The following FAM20C variants were observed in gnomAD, a reference collection of about 807,000 sequenced individuals.
The protein encoded by FAM20C is extracellular serine/threonine protein kinase FAM20C.
A neutral mutation model predicts 51.5 loss-of-function variants in FAM20C; 40 were observed. The ratio of observed to expected loss-of-function variants is 0.78; its 90% CI spans 0.60 to 1.01. The LOEUF is 1.01. Ranked by LOEUF, FAM20C falls within the 50% of genes least tolerant of loss-of-function variation. FAM20C has a pLI of 0.00. For missense variants in FAM20C, 861 were observed against 844.7 expected (o/e 1.02, Z -0.24); for synonymous variants, 406 against 380.6 (o/e 1.07, Z -0.78).
intron 5 of FAM20C, among the ~76,000 whole-genome samples, chr7:255,406 C>T (rs936150669): frequency 2.0e-5 from 3 of 152,162 alleles, no homozygotes; most frequent in Admixed American, 1.3e-4. Context: ...AGCCCTCTGC[C>T]CATTTATTAG....
intron 8 of FAM20C, among the ~76,000 whole-genome samples, chr7:258,424 CACTGCCT>C (rs1788728350): frequency 5.9e-5 from 5 of 84,416 alleles, no homozygotes; most frequent in Admixed American, 1.9e-4. Flanking sequence ...GGGGTGGACC[CACTGCCT>C]GGGGTGCTGG....
chr7:248,990 G>A (rs146453212), intron 5 of FAM20C, among the ~76,000 whole-genome samples: 8,489 of 152,344 alleles, frequency 0.056, 286 homozygotes, highest in Non-Finnish European at 0.082. Flanking sequence ...GCCAGCCCAC[G>A]GACAGCTTCA....
Position 195,594 on chromosome 7 carries a change from G to T in FAM20C, c.646G>T (p.Gly216Trp). The T allele has an allele frequency of 6.3e-7, 1 of 1,597,892 alleles. No individual in the cohort carries two copies. Among genetic ancestry groups the T allele is most frequent in the Non-Finnish European group, 8.5e-7 (1 of 1,171,500 alleles). Residue 216 changes from glycine to tryptophan, a missense_variant, in exon 2 of 10, where the codon GGG becomes TGG. By Grantham distance (184) the Gly-to-Trp change is radical. This residue lies in a region of FAM20C where 561 missense variants were observed against 499.8 expected (regional missense o/e 1.12). Coordinates refer to ENST00000313766, the MANE Select transcript of FAM20C (RefSeq NM_020223.4). ...GAEGAEFLSPGEAAVDSYPNW... is the reference protein window; with the variant it reads ...GAEGAEFLSPWEAAVDSYPNW... The stretch of plus-strand genomic sequence containing the variant: ...TGAAGGTGCAGAATTCCTCTCCCCC[G>T]GGGAGGCGGCCGTGGACTCCTATCC...
intron 2 of FAM20C, among the ~76,000 whole-genome samples, chr7:199,985 T>G (rs1786055975): frequency 6.6e-6 from 1 of 152,146 alleles, no homozygotes; most frequent in African/African-American, 2.4e-5. Flanking sequence ...GAAAAATGAC[T>G]CTGCAGGACC....
chr7:254,826 C>T (rs1438289028), intron 5 of FAM20C, among the ~76,000 whole-genome samples: 1 of 152,204 alleles, frequency 6.6e-6, no homozygotes, highest in East Asian at 1.9e-4. Context: ...CTGTTCTGGG[C>T]GTTTCATATT....
chr7:203,310 C>T (rs1213349566), intron 2 of FAM20C, among the ~76,000 whole-genome samples: 4 of 152,240 alleles, frequency 2.6e-5, no homozygotes, highest in Non-Finnish European at 5.9e-5. Context: ...GCTTCTCCCA[C>T]CAATGAGGTG....
intron 3 of FAM20C, among the ~76,000 whole-genome samples, chr7:212,718 G>A (rs1276825959): frequency 6.6e-6 from 1 of 152,200 alleles, no homozygotes; most frequent in East Asian, 1.9e-4. Flanking sequence ...AAAGCACGTA[G>A]CCGGCACATC....
At chr7:204,951 C>T (rs188452976) in intron 2 of FAM20C, among the ~76,000 whole-genome samples, 4 of 152,328 alleles carry the variant, frequency 2.6e-5, no homozygotes, top group East Asian at 1.9e-4. Flanking sequence ...TGGCCCTTGC[C>T]GTGGTGAGCC....
chr7:250,404 G>T (rs562986689), intron 5 of FAM20C, among the ~76,000 whole-genome samples: 1 of 152,230 alleles, frequency 6.6e-6, no homozygotes, highest in South Asian at 2.1e-4. Flanking sequence ...TGGCCCACTG[G>T]TGCCTGGCCC....
At chr7:249,478 C>T (rs1230773145) in intron 5 of FAM20C, among the ~76,000 whole-genome samples, 6 of 152,234 alleles carry the variant, frequency 3.9e-5, no homozygotes, top group Admixed American at 1.3e-4. Flanking sequence ...TGGTGGCTCA[C>T]GCCTGTAATC....
At chr7:230,748 AC>A (rs1787637471) in intron 3 of FAM20C, among the ~76,000 whole-genome samples, 3 of 43,064 alleles carry the variant, frequency 7.0e-5, no homozygotes, top group Non-Finnish European at 1.0e-4. Flanking sequence ...ACTGAATAAT[AC>A]CTATTGGTAA....
At chr7:241,258 A>C (rs1787939383) in intron 3 of FAM20C, among the ~76,000 whole-genome samples, 1 of 152,096 alleles carries the variant, frequency 6.6e-6, no homozygotes, top group Admixed American at 6.5e-5. Flanking sequence ...CCCAGAGTAG[A>C]ATTCACTGCC....
At chr7:209,844 G>C (rs972752213) in intron 3 of FAM20C, among the ~76,000 whole-genome samples, 1 of 152,240 alleles carries the variant, frequency 6.6e-6, no homozygotes, top group African/African-American at 2.4e-5. Context: ...ACAAAATATA[G>C]CTGCCTGCTT....
chr7:240,340 T>G (rs1583323590), intron 3 of FAM20C, among the ~76,000 whole-genome samples: 17 of 370 alleles, frequency 0.046, no homozygotes, highest in South Asian at 0.17. Flanking sequence ...GTGATGATTA[T>G]GATGTTGATA....
At chr7:245,563 G>A (rs1788119006) in intron 3 of FAM20C, among the ~76,000 whole-genome samples, 1 of 152,184 alleles carries the variant, frequency 6.6e-6, no homozygotes, top group African/African-American at 2.4e-5. Context: ...GGGAAGCATG[G>A]CAGGGGCCGG....
At chr7:197,399 G>A (rs1424662751) in intron 2 of FAM20C, 3 of 166,870 alleles carry the variant, frequency 1.8e-5, no homozygotes, top group Non-Finnish European at 2.9e-5. Flanking sequence ...AGGTGGGTCC[G>A]TCTTGGCAGG....
chr7:240,512 T>A (rs1241252167), intron 3 of FAM20C, among the ~76,000 whole-genome samples: 3 of 151,454 alleles, frequency 2.0e-5, no homozygotes, highest in African/African-American at 7.3e-5. Flanking sequence ...GAGGTGATGA[T>A]GATGTGGAGG....
intron 9 of FAM20C, 151 bp from the exon 10 acceptor site, chr7:259,580 G>GTCTC: frequency 2.7e-6 from 1 of 369,716 alleles, no homozygotes. Flanking sequence ...CTCTGTGTAT[G>GTCTC]TCTCTGTCTT....
At chr7:204,705 A>G (rs1786271704) in intron 2 of FAM20C, among the ~76,000 whole-genome samples, 1 of 152,102 alleles carries the variant, frequency 6.6e-6, no homozygotes, top group Non-Finnish European at 1.5e-5. Flanking sequence ...CTCAGTGTTC[A>G]GGGAGGGGAA....
Sources: allele counts gnomAD v4.1 joint callset (sites outside exome capture counted in the v4.1 genomes callset), GRCh38; gene constraint gnomAD v4.1.1; regional missense constraint gnomAD v4.1.1; transcripts MANE v1.5; gene names NCBI Gene and HGNC (gene_info 2026-07-23, HGNC 2026-07-21).